SCLY: variants seen among roughly 807,000 people sequenced by gnomAD.
SCLY encodes putative selenocysteine lyase.
Under a neutral mutation model 50.1 loss-of-function variants are expected in SCLY, and 38 were observed. That is an observed-to-expected ratio of 0.76 (90% CI 0.59 to 0.99). The LOEUF (loss-of-function observed/expected upper bound fraction) is 0.99, where lower values mean the gene tolerates loss of function less well. SCLY is among the 50% of genes least tolerant of loss of function. The pLI is 0.00. For synonymous variants in SCLY, 243 were observed against 249.4 expected, an observed-to-expected ratio of 0.97 and a Z score of 0.24; for missense variants, 600 against 620.0, an observed-to-expected ratio of 0.97 and a Z score of 0.34.
At position 238,066,098 on chromosome 2, in the gene SCLY, A is replaced by C. The variant is rs889262524; in HGVS notation, c.202+1629A>C. On this transcript the variant is annotated intron_variant, in intron 2 of 11. Coordinates refer to ENST00000254663, the MANE Select transcript of SCLY (RefSeq NM_016510.7). The surrounding 1 kb of genome is among the most constrained non-coding windows in gnomAD (Gnocchi z 4.1). ...AATAGCAAAACAAACAAAAACCCTG[A>C]AAATAAGCTCAGCATTCATGAATTT... Among the ~76,000 whole-genome samples, 3 of 152,248 alleles carry C rather than the reference A, an allele frequency of 2.0e-5. No individual in the cohort carries two copies. Among genetic ancestry groups the C allele is most frequent in the Non-Finnish European group, 4.4e-5 (3 of 68,042 alleles).
intron 2 of SCLY, 185 bp downstream of exon 2, chr2:238,064,654 G>A (rs1341124631): frequency 2.1e-5 from 10 of 466,806 alleles, no homozygotes; most frequent in South Asian, 8.0e-5. Context: ...GAGCCTTGTC[G>A]ATACTGTAAT....
intron 2 of SCLY, among the ~76,000 whole-genome samples, chr2:238,065,664 TTATTA>T (rs1559241267): frequency 3.1e-5 from 4 of 128,280 alleles, no homozygotes; most frequent in Admixed American, 1.5e-4. Flanking sequence ...TTTTATTTTA[TTATTA>T]TTATTATTAT....
chr2:238,077,455 A>C (rs2065185112), intron 4 of SCLY, among the ~76,000 whole-genome samples: 1 of 152,236 alleles, frequency 6.6e-6, no homozygotes, highest in Non-Finnish European at 1.5e-5. Flanking sequence ...CCATGCAAAC[A>C]TCTTGCAGGG....
chr2:238,087,362 G>A (rs909408960), intron 7 of SCLY, among the ~76,000 whole-genome samples: 2 of 150,380 alleles, frequency 1.3e-5, no homozygotes, highest in South Asian at 2.1e-4. Flanking sequence ...GATAATGAGG[G>A]AATGCCACAA....
rs558291998 is a variant in SCLY, at chr2:238,096,996, C to T, written c.1184+120C>T. The T allele has an allele frequency of 6.6e-3, 6,664 of 1,012,120 alleles. 38 individuals carry two copies. Among genetic ancestry groups the T allele is most frequent in the Admixed American group, 8.3e-3 (272 of 32,770 alleles). The allele number at this position is 1,012,120 out of a possible 1,614,324, so 62.7% of individuals were successfully genotyped here. A position where few individuals can be genotyped will look rare whatever the true frequency, so the allele number is the denominator to read the frequency against. ...TCTGGCTGGTGAAGGACAGCCCTGT[C>T]TGGGCCCTAGGAGGGGCAGAGGGAG... On this transcript the variant is annotated intron_variant, in intron 11 of 11. Transcript: ENST00000254663.
At position 238,067,962 on chromosome 2, in the gene SCLY, G is replaced by A; in HGVS notation, c.203-103G>A. ...AGGGGCCAGGTTTTGTCTTAGAACGGCCCACGCAGACCTCTTATTCCTTTG... is the reference window on the plus strand; with the variant it reads ...AGGGGCCAGGTTTTGTCTTAGAACGACCCACGCAGACCTCTTATTCCTTTG... On this transcript the variant is annotated intron_variant, in intron 2 of 11. Transcript: ENST00000254663. The surrounding 1 kb of genome is among the most constrained non-coding windows in gnomAD (Gnocchi z 4.3). 3 of 779,160 alleles carry A rather than the reference G, an allele frequency of 3.9e-6. No homozygotes were observed. Among genetic ancestry groups the A allele is most frequent in the Non-Finnish European group, 4.2e-6 (2 of 479,006 alleles). The allele number at this position is 779,160 out of a possible 1,614,324, so 48.3% of individuals were successfully genotyped here. A position where few individuals can be genotyped will look rare whatever the true frequency, so the allele number is the denominator to read the frequency against.
chr2:238,063,275 C>T (rs1485968103), intron 1 of SCLY, among the ~76,000 whole-genome samples: 2 of 145,964 alleles, frequency 1.4e-5, no homozygotes, highest in Non-Finnish European at 3.0e-5. Context: ...TTTTTTGAGA[C>T]GGACTCTCAC....
intron 6 of SCLY, among the ~76,000 whole-genome samples, chr2:238,082,461 C>A (rs2065248367): frequency 6.6e-6 from 1 of 152,090 alleles, no homozygotes; most frequent in Admixed American, 6.6e-5. Flanking sequence ...GGGCGGTAGA[C>A]CAAGCTAGGG....
At chr2:238,089,522 C>T (rs2065339985) in intron 7 of SCLY, among the ~76,000 whole-genome samples, 1 of 152,172 alleles carries the variant, frequency 6.6e-6, no homozygotes, top group East Asian at 1.9e-4. Context: ...GAACCTTGAC[C>T]CAAGTCTTAC....
chr2:238,094,720 T>C, intron 10 of SCLY, 198 bp downstream of exon 10: 1 of 556,962 alleles, frequency 1.8e-6, no homozygotes, highest in East Asian at 3.0e-5. Flanking sequence ...CGCTGGCCCC[T>C]CCTCTCCCTG....
chr2:238,081,818 T>C lies in SCLY; in HGVS notation c.594T>C (p.Asn198=), dbSNP rs1247550766. The stretch of plus-strand genomic sequence containing the variant: ...TCGTGACCATCATGCTGGCCAACAA[T>C]GAGACTGGCATTGTCATGGTGAGTC... The part of the protein sequence containing the change: ...TRLVTIMLAN[N]ETGIVMPVPE... Residue 198 remains asparagine, a synonymous_variant, in exon 5 of 12, where the codon AAT becomes AAC. Transcript: ENST00000254663. 9 of 1,613,728 alleles carry C rather than the reference T, an allele frequency of 5.6e-6. No individual in the cohort carries two copies. Among genetic ancestry groups the C allele is most frequent in the East Asian group, 2.2e-5 (1 of 44,882 alleles).
At chr2:238,072,606 T>G (rs1487029248) in intron 4 of SCLY, among the ~76,000 whole-genome samples, 1 of 152,226 alleles carries the variant, frequency 6.6e-6, no homozygotes, top group African/African-American at 2.4e-5. Context: ...CTCATTTTGG[T>G]TTTGATTTAC....
intron 7 of SCLY, among the ~76,000 whole-genome samples, chr2:238,090,918 G>C: frequency 6.6e-6 from 1 of 152,148 alleles, no homozygotes. Context: ...TGTGCCTTGG[G>C]GCCTACAGGA....
chr2:238,073,802 A>G (rs1271417314), intron 4 of SCLY: 1 of 463,458 alleles, frequency 2.2e-6, no homozygotes, highest in Non-Finnish European at 4.4e-6. Context: ...TGTGAAGATG[A>G]TGAAGATGAA....
At chr2:238,070,186 G>A (rs1021810976) in intron 4 of SCLY, among the ~76,000 whole-genome samples, 3 of 152,182 alleles carry the variant, frequency 2.0e-5, no homozygotes, top group Non-Finnish European at 4.4e-5. Context: ...ATGTTCACCA[G>A]GTGTAGATCA....
At chr2:238,061,763 C>G (rs557626786) in intron 1 of SCLY, among the ~76,000 whole-genome samples, 1 of 152,294 alleles carries the variant, frequency 6.6e-6, no homozygotes, top group East Asian at 1.9e-4. Context: ...TCCCAGACTG[C>G]TGGCCCAGCT....
At chr2:238,093,179 T>G (rs1370151355) in intron 8 of SCLY, 2 of 152,694 alleles carry the variant, frequency 1.3e-5, no homozygotes, top group Non-Finnish European at 2.9e-5. Context: ...TCATGTCCAT[T>G]TTCATGGCCA....
chr2:238,069,635 C>A lies in SCLY; in HGVS notation c.484+158C>A. 3.0e-6 allele frequency: 2 copies of A among 658,286 alleles called. No individual in the cohort carries two copies. Among genetic ancestry groups the A allele is most frequent in the Non-Finnish European group, 4.8e-6 (2 of 416,520 alleles). The allele number at this position is 658,286 out of a possible 1,614,324, so 40.8% of individuals were successfully genotyped here. A position where few individuals can be genotyped will look rare whatever the true frequency, so the allele number is the denominator to read the frequency against. ...GTTCTGATGAGGAGGCAGGCCCTGGCACCTTGGTGAATAGTTGCCCCTCAC... is the reference window on the plus strand; with the variant it reads ...GTTCTGATGAGGAGGCAGGCCCTGGAACCTTGGTGAATAGTTGCCCCTCAC... On this transcript the variant is annotated intron_variant, in intron 4 of 11. Coordinates refer to ENST00000254663, the MANE Select transcript of SCLY (RefSeq NM_016510.7). This position sits in a 1 kb window ranked among gnomAD's most constrained non-coding sequence, Gnocchi z 5.0.
At position 238,064,356 on chromosome 2, in the gene SCLY, G is replaced by A. The variant is rs759172145; in HGVS notation, c.90-1G>A. ...GGGTGTCTTTGCTTTCTTTCCTTCA[G>A]GAAAGTTTATATGGACTATAATGCA... is the stretch of plus-strand genomic sequence containing the variant. On this transcript the variant is annotated splice_acceptor_variant, in intron 1 of 11. Transcript: ENST00000254663. LOFTEE classifies it high-confidence loss of function. 1 of 1,585,102 alleles carries A rather than the reference G, an allele frequency of 6.3e-7. No individual in the cohort carries two copies. The highest frequency in any genetic ancestry group is 1.2e-5 in the South Asian group (1 of 86,678).
Sources: gnomAD v4.1 joint callset for allele counts (sites outside exome capture counted in the v4.1 genomes callset) on GRCh38, gnomAD v4.1.1 for gene constraint, Gnocchi (gnomAD v3.1) non-coding constraint, MANE v1.5 for transcripts, NCBI Gene and HGNC (gene_info 2026-07-23, HGNC 2026-07-21) for gene names.